Variants in SH3PXD2B observed in about 807,000 individuals in gnomAD.
SH3PXD2B encodes the protein SH3 and PX domains 2B.
A neutral mutation model predicts 73.1 loss-of-function variants in SH3PXD2B; 37 were observed. The ratio of observed to expected loss-of-function variants is 0.51; its 90% CI spans 0.39 to 0.67. The LOEUF is 0.67. SH3PXD2B is among the 30% of genes least tolerant of loss of function. SH3PXD2B has a pLI of 0.00. For synonymous variants in SH3PXD2B, 457 were observed against 480.5 expected, an observed-to-expected ratio of 0.95 and a Z score of 0.64; for missense variants, 1,053 against 1,197.8, an observed-to-expected ratio of 0.88 and a Z score of 1.78.
At chr5:172,379,313 T>TAA (rs11346663) in intron 5 of SH3PXD2B, among the ~76,000 whole-genome samples, 1,219 of 112,784 alleles carry the variant, frequency 0.011, 15 homozygotes, top group African/African-American at 0.033. Flanking sequence ...TACAAAAAAT[T>TAA]AAAAAAAAAA....
At chr5:172,437,730 G>C (rs1023069243) in intron 1 of SH3PXD2B, among the ~76,000 whole-genome samples, 2 of 152,210 alleles carry the variant, frequency 1.3e-5, no homozygotes, top group African/African-American at 4.8e-5. Flanking sequence ...CAAAATACAA[G>C]TGCTTGTGGT....
Position 172,336,017 on chromosome 5 carries a change from A to AC in SH3PXD2B, c.*2351dup, listed in dbSNP as rs1185097582. On this transcript the variant is annotated 3_prime_UTR_variant, in exon 13 of 13. Transcript: ENST00000311601. ...GGGCAAGTCTGCTCCTACCCAGCTG[A>AC]CCCCCGGGAGGAAGGAATGAAGCAA... 77 of 1,005,160 alleles carry AC rather than the reference A, an allele frequency of 7.7e-5. No homozygotes were observed. The highest frequency in any genetic ancestry group is 8.9e-5 in the Non-Finnish European group (75 of 843,638). 62.3% of individuals were successfully genotyped at this position (1,005,160 alleles called of 1,614,324 possible). A position where few individuals can be genotyped will look rare whatever the true frequency, so the allele number is the denominator to read the frequency against.
At position 172,350,611 on chromosome 5, in the gene SH3PXD2B, C is replaced by T. The variant is rs199524832; in HGVS notation, c.786-22G>A. 195 of 1,579,764 alleles carry T rather than the reference C, an allele frequency of 1.2e-4. 1 individual carries two copies. In the East Asian group the frequency reaches 3.3e-3, roughly 27 times the overall value. ...GTACCTGTGAAGAGGAGGAAGGATG[C>T]TGTCAAACTGCTCCGCCAGGCCCAA... On this transcript the variant is annotated intron_variant, in intron 9 of 12. Coordinates refer to ENST00000311601, the MANE Select transcript of SH3PXD2B (RefSeq NM_001017995.3).
intron 1 of SH3PXD2B, among the ~76,000 whole-genome samples, chr5:172,440,158 C>G (rs1759521949): frequency 6.6e-6 from 1 of 152,230 alleles, no homozygotes. Flanking sequence ...GAGGGCCTCT[C>G]TCGTGTTGAC....
At chr5:172,412,148 C>A (rs1465344487) in intron 2 of SH3PXD2B, among the ~76,000 whole-genome samples, 1 of 152,194 alleles carries the variant, frequency 6.6e-6, no homozygotes, top group African/African-American at 2.4e-5. Context: ...GAATTTCCTT[C>A]TTTTTTAAGG....
chr5:172,406,443 G>T, intron 2 of SH3PXD2B, 91 bp from the exon 3 acceptor site: 1 of 1,421,514 alleles, frequency 7.0e-7, no homozygotes, highest in Non-Finnish European at 9.9e-7. Flanking sequence ...TGAAATATGT[G>T]ATGTGATATA....
intron 2 of SH3PXD2B, 107 bp from the exon 3 acceptor site, chr5:172,406,459 A>C: frequency 7.7e-7 from 1 of 1,302,298 alleles, no homozygotes; most frequent in Non-Finnish European, 1.1e-6. Context: ...ATATACTAAA[A>C]GTTCACTGCG....
chr5:172,444,605 C>T (rs1205545039), intron 1 of SH3PXD2B, among the ~76,000 whole-genome samples: 1 of 152,174 alleles, frequency 6.6e-6, no homozygotes, highest in Non-Finnish European at 1.5e-5. Flanking sequence ...TATTTAATTG[C>T]CCTGGAATTT....
In SH3PXD2B at chr5:172,368,652, A is replaced by ATATATATATTATATATATATAAT. The variant is rs1561908520; in HGVS notation, c.427+5137_427+5138insATTATATATATATAATATATATA. On this transcript the variant is annotated intron_variant, in intron 6 of 12. Transcript: ENST00000311601. ...TATAATATATATGTTATATATATAA[A>ATATATATATTATATATATATAAT]ATATATATATTATATATATATAAAA... 1.2e-3 allele frequency among the ~76,000 whole-genome samples: 14 copies of ATATATATATTATATATATATAAT among 11,658 alleles called. 2 individuals are homozygous for ATATATATATTATATATATATAAT. The highest frequency in any genetic ancestry group is 2.5e-3 in the African/African-American group (4 of 1,594). The allele number at this position is 11,658 out of a possible 152,430, so 7.6% of individuals were successfully genotyped here.
In SH3PXD2B at chr5:172,421,923, C is replaced by G. The variant is rs1452233383; in HGVS notation, c.156+493G>C. On this transcript the variant is annotated intron_variant, in intron 2 of 12. Transcript: ENST00000311601. The surrounding 1 kb of genome is among the most constrained non-coding windows in gnomAD (Gnocchi z 4.0). ...GGAGCAGTTAACAGGCACCCTTTCT[C>G]TTATGGAGGAAATATGAAATATCAA... Among the ~76,000 whole-genome samples, 1 of 152,180 alleles carries G rather than the reference C, an allele frequency of 6.6e-6. No individual in the cohort carries two copies. Among genetic ancestry groups the G allele is most frequent in the South Asian group, 2.1e-4 (1 of 4,836 alleles).
chr5:172,446,653 G>A (rs1466660445), intron 1 of SH3PXD2B, among the ~76,000 whole-genome samples: 3 of 152,210 alleles, frequency 2.0e-5, no homozygotes, highest in African/African-American at 7.2e-5. Context: ...TGCACCTCCG[G>A]TGGGAGGCAA....
At chr5:172,449,865 A>C (rs1017692206) in intron 1 of SH3PXD2B, among the ~76,000 whole-genome samples, 1 of 152,222 alleles carries the variant, frequency 6.6e-6, no homozygotes, top group African/African-American at 2.4e-5. Context: ...AGTTCCCGGC[A>C]CGAGCTTGAA....
intron 12 of SH3PXD2B, among the ~76,000 whole-genome samples, chr5:172,344,544 A>G (rs1756938695): frequency 7.5e-6 from 1 of 134,052 alleles, no homozygotes; most frequent in Non-Finnish European, 1.6e-5. Flanking sequence ...GCTGAGATTG[A>G]GCCATTGCAC....
At chr5:172,449,305 T>G (rs998845717) in intron 1 of SH3PXD2B, among the ~76,000 whole-genome samples, 1 of 152,150 alleles carries the variant, frequency 6.6e-6, no homozygotes, top group African/African-American at 2.4e-5. Context: ...TCCAGAAGCC[T>G]AAGTGACCCA....
At chr5:172,408,565 T>G in intron 2 of SH3PXD2B, among the ~76,000 whole-genome samples, 1 of 117,430 alleles carries the variant, frequency 8.5e-6, no homozygotes, top group Admixed American at 1.0e-4. Context: ...TGAGATGGAG[T>G]TTCCCTCTTG....
At chr5:172,340,831 G>A (rs559668387) in intron 12 of SH3PXD2B, among the ~76,000 whole-genome samples, 2 of 152,314 alleles carry the variant, frequency 1.3e-5, no homozygotes, top group East Asian at 3.9e-4. Flanking sequence ...CTGGTCTCTA[G>A]CGATCTGCCT....
intron 2 of SH3PXD2B, among the ~76,000 whole-genome samples, chr5:172,414,254 A>G (rs1758766362): frequency 6.6e-6 from 1 of 152,096 alleles, no homozygotes; most frequent in Non-Finnish European, 1.5e-5. Context: ...GGATTGCTTG[A>G]GGCCAGGAGT....
intron 12 of SH3PXD2B, among the ~76,000 whole-genome samples, chr5:172,344,447 G>C (rs1336959856): frequency 6.6e-6 from 1 of 151,976 alleles, no homozygotes; most frequent in African/African-American, 2.4e-5. Flanking sequence ...AATCAGCCGG[G>C]CGTCATGTTG....
chr5:172,379,313 TA>T (rs11346663), intron 5 of SH3PXD2B, among the ~76,000 whole-genome samples: 52,151 of 112,766 alleles, frequency 0.46, 10,446 homozygotes, highest in East Asian at 0.68. Flanking sequence ...TACAAAAAAT[TA>T]AAAAAAAAAA....
Sources: allele counts gnomAD v4.1 joint callset (sites outside exome capture counted in the v4.1 genomes callset), GRCh38; gene constraint gnomAD v4.1.1; non-coding constraint Gnocchi (gnomAD v3.1); transcripts MANE v1.5; gene names NCBI Gene and HGNC (gene_info 2026-07-23, HGNC 2026-07-21).